Variants in EFCAB5 observed in about 807,000 individuals in gnomAD.
EFCAB5 encodes EF-hand calcium binding domain 5.
A neutral mutation model predicts 167.9 loss-of-function variants in EFCAB5; 131 were observed. That is an observed-to-expected ratio of 0.78 (90% CI 0.68 to 0.90). EFCAB5 has a LOEUF of 0.90. Among genes scored for constraint, EFCAB5 ranks in the 40% least tolerant of loss-of-function variants. EFCAB5 has a pLI of 0.00. For missense variants in EFCAB5, 1,663 were observed against 1,745.2 expected, an observed-to-expected ratio of 0.95 and a Z score of 0.84; for synonymous variants, 574 against 602.8, an observed-to-expected ratio of 0.95 and a Z score of 0.70.
chr17:30,089,576 C>G (rs2071154648), intron 19 of EFCAB5, among the ~76,000 whole-genome samples: 1 of 152,170 alleles, frequency 6.6e-6, no homozygotes, highest in African/African-American at 2.4e-5. Flanking sequence ...AATCTCAAGT[C>G]TCTCACTGAG....
chr17:30,103,531 C>T (rs1278223004), intron 22 of EFCAB5, among the ~76,000 whole-genome samples: 1 of 152,068 alleles, frequency 6.6e-6, no homozygotes, highest in East Asian at 1.9e-4. Flanking sequence ...ACAAACTTCC[C>T]CCTCAAACTT....
intron 7 of EFCAB5, among the ~76,000 whole-genome samples, chr17:30,001,396 C>T (rs978683879): frequency 1.3e-5 from 2 of 152,164 alleles, no homozygotes; most frequent in East Asian, 1.9e-4. Context: ...CATTTCTTTG[C>T]AAGGGACTGA....
At chr17:30,026,961 CTTTTTTTTTTTTTTTTTTTTT>C (rs71138868) in intron 7 of EFCAB5, among the ~76,000 whole-genome samples, 15 of 64,542 alleles carry the variant, frequency 2.3e-4, no homozygotes, top group South Asian at 2.3e-3. Flanking sequence ...CTCCTTGTAC[CTTTTTTTTTTTTTTTTTTTTT>C]TTTTTTTTTT....
chr17:30,092,886 C>T lies in EFCAB5; in HGVS notation c.4271C>T (p.Thr1424Ile), dbSNP rs775865288. The T allele has an allele frequency of 3.1e-6, 5 of 1,611,886 alleles. No homozygotes were observed. In the East Asian group the frequency reaches 1.1e-4, roughly 36 times the overall value. The change falls in exon 22 of 23, where the codon ACT (threonine) becomes ATT (isoleucine). Residue 1424 changes from threonine to isoleucine, a missense_variant. Physicochemically the swap from Thr to Ile is moderately conservative, Grantham distance 89. Transcript: ENST00000394835. ...AACAATATTTGTGCCTTTGATCCAA[C>T]TGCCAAGCATGTGGAAGTTAATGTA... Reference protein sequence around the residue: ...LVNNICAFDPTAKHVEVNVQL... With the variant: ...LVNNICAFDPIAKHVEVNVQL...
chr17:29,934,227 A>G (rs974805115), intron 1 of EFCAB5, among the ~76,000 whole-genome samples: 1 of 152,240 alleles, frequency 6.6e-6, no homozygotes, highest in Non-Finnish European at 1.5e-5. Context: ...AATTTAGTTC[A>G]TACAAGTAGG....
Position 29,983,323 on chromosome 17 carries a change from G to A in EFCAB5, c.768-9842G>A, listed in dbSNP as rs141898593. ...TCCATGATGGTATTGTAGTGGAAGG[G>A]CTCCCAAGTTCAATAAAAGAGGGCA... is the stretch of plus-strand genomic sequence containing the variant. On this transcript the variant is annotated intron_variant, in intron 4 of 22. Coordinates refer to ENST00000394835, the MANE Select transcript of EFCAB5 (RefSeq NM_198529.4). Among the ~76,000 whole-genome samples the A allele has an allele frequency of 1.4e-4, 21 of 152,312 alleles. No individual in the cohort carries two copies. The East Asian group carries it at 3.7e-3, about 27-fold the overall frequency.
In EFCAB5 at chr17:30,013,016, C is replaced by T. The variant is rs527473875; in HGVS notation, c.1044+13040C>T. Among the ~76,000 whole-genome samples, 5 of 152,156 alleles carry T rather than the reference C, an allele frequency of 3.3e-5. No individual in the cohort carries two copies. In the South Asian group the frequency reaches 1.0e-3, roughly 32 times the overall value. The stretch of plus-strand genomic sequence containing the variant: ...TTATTGAGAGTTTTTAGCACAAAGG[C>T]TGTTGAATTTTGTCGAAGGCCTTCT... On this transcript the variant is annotated intron_variant, in intron 7 of 22. Coordinates refer to ENST00000394835, the MANE Select transcript of EFCAB5 (RefSeq NM_198529.4).
At chr17:30,007,189 C>A (rs1390208901) in intron 7 of EFCAB5, among the ~76,000 whole-genome samples, 2 of 151,926 alleles carry the variant, frequency 1.3e-5, no homozygotes, top group Admixed American at 1.3e-4. Context: ...TTCAGTCATC[C>A]CAAGATTTAT....
At chr17:30,020,255 C>T (rs2069143037) in intron 7 of EFCAB5, among the ~76,000 whole-genome samples, 1 of 151,782 alleles carries the variant, frequency 6.6e-6, no homozygotes, top group Non-Finnish European at 1.5e-5. Flanking sequence ...TTCTTTTTGG[C>T]ATAGTCTCTA....
chr17:30,101,746 G>C (rs950475849), intron 22 of EFCAB5, among the ~76,000 whole-genome samples: 1 of 152,134 alleles, frequency 6.6e-6, no homozygotes, highest in African/African-American at 2.4e-5. Context: ...GGAGGAAATG[G>C]GGTCAAGGTT....
chr17:29,978,404 A>C (rs2068103770), intron 4 of EFCAB5, among the ~76,000 whole-genome samples: 1 of 152,212 alleles, frequency 6.6e-6, no homozygotes. Flanking sequence ...AAGCATAATG[A>C]TAATTTATGT....
At chr17:30,055,258 A>G (rs1041667102) in intron 10 of EFCAB5, among the ~76,000 whole-genome samples, 1 of 151,702 alleles carries the variant, frequency 6.6e-6, no homozygotes, top group East Asian at 1.9e-4. Context: ...GCACCACTGC[A>G]CTCCATCTAG....
Position 30,053,963 on chromosome 17 carries a change from C to A in EFCAB5, c.2009C>A (p.Thr670Asn), listed in dbSNP as rs780382715. 7 of 1,613,866 alleles carry A rather than the reference C, an allele frequency of 4.3e-6. No individual in the cohort carries two copies. The East Asian group carries it at 1.6e-4, about 36-fold the overall frequency. Reference protein sequence around the residue: ...ISEEQEDIGSTSQSRKDSILK... With the variant: ...ISEEQEDIGSNSQSRKDSILK... ...GAAGAGCAAGAAGACATAGGCTCAA[C>A]TTCACAATCAAGAAAAGATAGTATC... Residue 670 changes from threonine to asparagine, a missense_variant, in exon 10 of 23, where the codon ACT becomes AAT. Thr to Asn is a moderately conservative substitution (Grantham distance 65). Transcript: ENST00000394835.
Position 30,011,932 on chromosome 17 carries a change from A to G in EFCAB5, c.1044+11956A>G, listed in dbSNP as rs576491973. Reference sequence around the variant, plus strand: ...TATATGAATATAATTAATCATTAGTAGTACTTATTCTTTATTCCAATATTG... The same window carrying G: ...TATATGAATATAATTAATCATTAGTGGTACTTATTCTTTATTCCAATATTG... On this transcript the variant is annotated intron_variant, in intron 7 of 22. Transcript: ENST00000394835. Among the ~76,000 whole-genome samples, 6 of 152,338 alleles carry G rather than the reference A, an allele frequency of 3.9e-5. No individual in the cohort carries two copies. In the South Asian group the frequency reaches 1.2e-3, roughly 32 times the overall value.
At chr17:30,052,495 A>G (rs1005571943) in intron 9 of EFCAB5, among the ~76,000 whole-genome samples, 5 of 152,170 alleles carry the variant, frequency 3.3e-5, no homozygotes, top group African/African-American at 1.2e-4. Context: ...TTTCTGTGTG[A>G]AGATTTATTA....
chr17:29,958,287 C>T (rs1009719209), intron 3 of EFCAB5, among the ~76,000 whole-genome samples: 2 of 152,098 alleles, frequency 1.3e-5, no homozygotes, highest in Admixed American at 1.3e-4. Context: ...TTAACTTGGT[C>T]CTTTTGAGTC....
At chr17:30,047,489 C>T (rs1055614638) in intron 8 of EFCAB5, among the ~76,000 whole-genome samples, 5 of 152,128 alleles carry the variant, frequency 3.3e-5, no homozygotes, top group Non-Finnish European at 5.9e-5. Context: ...TGACATTTAA[C>T]TACCAGAGAC....
intron 17 of EFCAB5, 71 bp from the exon 18 acceptor site, chr17:30,082,820 C>A: frequency 7.3e-7 from 1 of 1,363,160 alleles, no homozygotes; most frequent in Non-Finnish European, 9.9e-7. Flanking sequence ...TAAAGGTAAT[C>A]CAATTACTAT....
intron 7 of EFCAB5, among the ~76,000 whole-genome samples, chr17:30,004,649 C>T (rs1450035974): frequency 6.9e-6 from 1 of 143,920 alleles, no homozygotes; most frequent in Non-Finnish European, 1.5e-5. Flanking sequence ...GAGATGGAGT[C>T]TTGCTCTGTC....
Sources: allele counts gnomAD v4.1 joint callset (sites outside exome capture counted in the v4.1 genomes callset), GRCh38; gene constraint gnomAD v4.1.1; transcripts MANE v1.5; gene names NCBI Gene and HGNC (gene_info 2026-07-23, HGNC 2026-07-21).